The following CRISP2 variants were observed in gnomAD, a reference collection of about 807,000 sequenced individuals.
CRISP2 encodes the protein cysteine-rich secretory protein 2.
Under a neutral mutation model 31.7 loss-of-function variants are expected in CRISP2, and 29 were observed. The observed-to-expected ratio is 0.92, with a 90% CI of 0.68 to 1.25. The LOEUF is 1.25. CRISP2 is among the 50% of genes most tolerant of loss of function. CRISP2 has a pLI of 0.00. For missense variants in CRISP2, 318 were observed against 286.5 expected (o/e 1.11, Z -0.79); for synonymous variants, 111 against 101.4 (o/e 1.09, Z -0.57).
downstream of CRISP2, among the ~76,000 whole-genome samples, chr6:49,687,933 T>C (rs938047845): frequency 1.3e-5 from 2 of 152,120 alleles, no homozygotes; most frequent in African/African-American, 4.8e-5. Context: ...ATGGTTAAAG[T>C]CACATGGCGT....
upstream of CRISP2, chr6:49,713,665 G>C (rs360543): frequency 0.17 from 26,200 of 152,090 alleles, 2,923 homozygotes; most frequent in African/African-American, 0.32. Context: ...CATCGCCCCC[G>C]CCTCCCCTAC....
At chr6:49,701,827 T>C (rs1765929020) in intron 4 of CRISP2, among the ~76,000 whole-genome samples, 1 of 97,384 alleles carries the variant, frequency 1.0e-5, no homozygotes, top group African/African-American at 4.0e-5. Flanking sequence ...ATATAATGTA[T>C]ACATTAATAA....
the CRISP2 span, among the ~76,000 whole-genome samples, chr6:49,682,046 T>A: frequency 6.6e-6 from 1 of 152,164 alleles, no homozygotes; most frequent in Non-Finnish European, 1.5e-5. Flanking sequence ...AGTTTAAAGA[T>A]CCATCTCCGT....
chr6:49,686,481 C>A, the CRISP2 span, among the ~76,000 whole-genome samples: 1 of 152,018 alleles, frequency 6.6e-6, no homozygotes, highest in Non-Finnish European at 1.5e-5. Flanking sequence ...AATGAAAATA[C>A]CAATAAAAAA....
intron 4 of CRISP2, among the ~76,000 whole-genome samples, chr6:49,702,826 T>C (rs77177382): frequency 6.6e-6 from 1 of 152,316 alleles, no homozygotes; most frequent in African/African-American, 2.4e-5. Flanking sequence ...TTTTTATCTT[T>C]CTTTTTGTTG....
chr6:49,682,621 TTCTTTCTTTCTTTC>T, the CRISP2 span, among the ~76,000 whole-genome samples: 1 of 69,434 alleles, frequency 1.4e-5, no homozygotes, highest in Non-Finnish European at 2.4e-5. Flanking sequence ...CTTTCTTTCT[TTCTTTCTTTCTTTC>T]TTTCTTTCTT....
the CRISP2 span, among the ~76,000 whole-genome samples, chr6:49,681,326 G>T: frequency 1.3e-5 from 2 of 151,936 alleles, no homozygotes; most frequent in Admixed American, 1.3e-4. Flanking sequence ...TTAATTCTGG[G>T]TTCTCTATTC....
chr6:49,702,029 T>G (rs1243811815), intron 4 of CRISP2, among the ~76,000 whole-genome samples: 12 of 108,664 alleles, frequency 1.1e-4, no homozygotes, highest in African/African-American at 4.0e-4. Flanking sequence ...ACATTATATA[T>G]GTATACATAT....
intron 7 of CRISP2, 137 bp downstream of exon 7, chr6:49,698,225 C>CA: frequency 9.7e-7 from 1 of 1,026,126 alleles, no homozygotes. Flanking sequence ...GACAGCTCTA[C>CA]AACAGCCAAA....
chr6:49,708,816 G>C (rs1166657727), intron 4 of CRISP2, among the ~76,000 whole-genome samples: 1 of 152,162 alleles, frequency 6.6e-6, no homozygotes, highest in Non-Finnish European at 1.5e-5. Context: ...AAAAAAATGA[G>C]ATATTTCCTT....
chr6:49,683,694 AATATATATATATATAT>A, the CRISP2 span, among the ~76,000 whole-genome samples: 4 of 6,184 alleles, frequency 6.5e-4, no homozygotes, highest in Admixed American at 6.3e-3. Context: ...AAAAAAAAAA[AATATATATATATATAT>A]ATATATATAT....
the CRISP2 span, among the ~76,000 whole-genome samples, chr6:49,677,364 A>T: frequency 1.3e-5 from 2 of 152,162 alleles, no homozygotes; most frequent in African/African-American, 4.8e-5. Context: ...AGAGAGTGAG[A>T]ACATGGCATT....
chr6:49,703,435 T>C (rs948367825), intron 4 of CRISP2, among the ~76,000 whole-genome samples: 1 of 152,202 alleles, frequency 6.6e-6, no homozygotes, highest in African/African-American at 2.4e-5. Context: ...ACAATGTTGA[T>C]TTTATCCATC....
chr6:49,702,980 G>A (rs560714214), intron 4 of CRISP2, among the ~76,000 whole-genome samples: 3 of 152,190 alleles, frequency 2.0e-5, no homozygotes, highest in Non-Finnish European at 4.4e-5. Context: ...GATCCATCTT[G>A]AGTTGATTTT....
Position 49,700,832 on chromosome 6 carries a change from T to G in CRISP2, c.67-48A>C, listed in dbSNP as rs371733269. The stretch of plus-strand genomic sequence containing the variant: ...TTATTATTTAACAATATTGTAAATT[T>G]CATATAATAGTGAATAAGTTAATTC... On this transcript the variant is annotated intron_variant, in intron 4 of 9. Coordinates refer to ENST00000339139, the MANE Select transcript of CRISP2 (RefSeq NM_003296.4). 62 of 1,201,490 alleles carry G rather than the reference T, an allele frequency of 5.2e-5. No individual in the cohort carries two copies. In the African/African-American group the frequency reaches 8.6e-4, roughly 17 times the overall value. 74.4% of individuals were successfully genotyped at this position (1,201,490 alleles called of 1,614,324 possible).
intron 4 of CRISP2, among the ~76,000 whole-genome samples, chr6:49,705,647 C>G (rs1408735029): frequency 6.6e-6 from 1 of 152,212 alleles, no homozygotes; most frequent in African/African-American, 2.4e-5. Flanking sequence ...TTGAGGATCT[C>G]TGTGAGATAA....
chr6:49,707,379 G>A (rs979033106), intron 4 of CRISP2, among the ~76,000 whole-genome samples: 14 of 152,126 alleles, frequency 9.2e-5, no homozygotes, highest in Admixed American at 2.0e-4. Context: ...GATGAACAGA[G>A]TTTTCTAGGC....
intron 3 of CRISP2, 90 bp downstream of exon 3, chr6:49,711,195 G>A (rs924015087): frequency 1.3e-5 from 2 of 151,778 alleles, no homozygotes; most frequent in Admixed American, 6.6e-5. Context: ...TAAAATCATG[G>A]GCAAACTCAT....
intron 7 of CRISP2, 72 bp downstream of exon 7, chr6:49,698,290 T>C: frequency 6.6e-7 from 1 of 1,508,598 alleles, no homozygotes; most frequent in Admixed American, 1.7e-5. Context: ...AACATTACAG[T>C]GGTCATAATT....
Sources: gnomAD v4.1 joint callset for allele counts (sites outside exome capture counted in the v4.1 genomes callset) on GRCh38, gnomAD v4.1.1 for gene constraint, MANE v1.5 for transcripts, NCBI Gene and HGNC (gene_info 2026-07-23, HGNC 2026-07-21) for gene names.